KIAA1614: variants seen among roughly 807,000 people sequenced by gnomAD.
The protein encoded by KIAA1614 is KIAA1614.
Under a neutral mutation model 88.7 loss-of-function variants are expected in KIAA1614, and 76 were observed. That is an observed-to-expected ratio of 0.86 (90% CI 0.71 to 1.04). The LOEUF (loss-of-function observed/expected upper bound fraction) is 1.04. Ranked by LOEUF, KIAA1614 falls within the 50% of genes least tolerant of loss-of-function variation. The probability of loss-of-function intolerance (pLI) is 0.00; values close to 1 mark genes in which losing one functional copy is unlikely to be tolerated. For synonymous variants in KIAA1614, 714 were observed against 675.5 expected (o/e 1.06, Z -0.88); for missense variants, 1,553 against 1,582.5 (o/e 0.98, Z 0.32).
chr1:180,943,034 T>TTATTTTTTGTTTG (rs1553260091), intron 7 of KIAA1614, among the ~76,000 whole-genome samples: 1 of 139,506 alleles, frequency 7.2e-6, no homozygotes, highest in Non-Finnish European at 1.5e-5. Flanking sequence ...TTGGGTTTTT[T>TTATTTTTTGTTTG]TTTTTTTTTT....
intron 7 of KIAA1614, among the ~76,000 whole-genome samples, chr1:180,941,814 CAG>C (rs1167547082): frequency 6.6e-6 from 1 of 152,214 alleles, no homozygotes; most frequent in East Asian, 1.9e-4. Context: ...TTGGCATGGC[CAG>C]AGAGTTTCTG....
At chr1:180,943,027 G>GTTTTTTTT (rs1261396134) in intron 7 of KIAA1614, among the ~76,000 whole-genome samples, 7 of 22,320 alleles carry the variant, frequency 3.1e-4, no homozygotes, top group African/African-American at 6.7e-4. Flanking sequence ...TAGTTTTTTG[G>GTTTTTTTT]GTTTTTTTTT....
chr1:180,941,113 G>A lies in KIAA1614; in HGVS notation c.2987G>A (p.Arg996Lys), dbSNP rs1206775175. The change falls in exon 7 of 9, where the codon AGG (arginine) becomes AAG (lysine). Residue 996 changes from arginine (R) to lysine (K), a missense_variant. Physicochemically the swap from Arg to Lys is conservative, Grantham distance 26. Transcript: ENST00000367588. Reference sequence around the variant, plus strand: ...GCCCCTTTGGACCAGAACAAGAAAAGGAGCAGCAGCATAGCCTCCACCCTG... The same window carrying A: ...GCCCCTTTGGACCAGAACAAGAAAAAGAGCAGCAGCATAGCCTCCACCCTG... ...SAAPLDQNKKRSSSIASTLGL... is the reference protein window; with the variant it reads ...SAAPLDQNKKKSSSIASTLGL... 6.5e-7 allele frequency: 1 copy of A among 1,548,632 alleles called. No individual in the cohort carries two copies. The highest frequency in any genetic ancestry group is 1.8e-5 in the Admixed American group (1 of 56,010).
At chr1:180,938,801 A>C (rs1571299379) in intron 6 of KIAA1614, 90 bp downstream of exon 6, 5 of 1,236,710 alleles carry the variant, frequency 4.0e-6, no homozygotes, top group Middle Eastern at 4.8e-4. Flanking sequence ...TGGTGGCATG[A>C]CCCACCTCCC....
chr1:180,917,331 A>G (rs1653841464), intron 2 of KIAA1614, among the ~76,000 whole-genome samples: 1 of 152,172 alleles, frequency 6.6e-6, no homozygotes, highest in South Asian at 2.1e-4. Context: ...CTGCAGACCA[A>G]TAGGAGGCCA....
intron 7 of KIAA1614, among the ~76,000 whole-genome samples, chr1:180,943,819 A>T (rs911354383): frequency 2.0e-5 from 3 of 152,000 alleles, no homozygotes; most frequent in Admixed American, 2.0e-4. Context: ...AAGTGCTGGG[A>T]TTACAGGCAT....
chr1:180,935,566 G>T lies in KIAA1614; in HGVS notation c.1657G>T (p.Ala553Ser). The T allele has an allele frequency of 6.2e-7, 1 of 1,602,696 alleles. No homozygotes were observed. The highest frequency in any genetic ancestry group is 8.5e-7 in the Non-Finnish European group (1 of 1,174,948). The change falls in exon 5 of 9, where the codon GCG becomes TCG. Residue 553 changes from alanine (A) to serine (S), a missense_variant. Transcript: ENST00000367588. This position sits in a 1 kb window ranked among gnomAD's most constrained non-coding sequence, Gnocchi z 6.1. ...IDDPRPAQGK[A>S]PPVPRTLQEL... The stretch of plus-strand genomic sequence containing the variant: ...CGACCCGCGCCCCGCCCAGGGGAAG[G>T]CGCCCCCCGTCCCCAGGACCCTCCA...
intron 5 of KIAA1614, among the ~76,000 whole-genome samples, chr1:180,937,344 G>A (rs1654356430): frequency 6.6e-6 from 1 of 152,238 alleles, no homozygotes; most frequent in Non-Finnish European, 1.5e-5. Context: ...GTGCTTTCTG[G>A]TACCAGACCC....
Position 180,941,284 on chromosome 1 carries a change from C to G in KIAA1614, c.3158C>G (p.Pro1053Arg). 3 of 1,605,758 alleles carry G rather than the reference C, an allele frequency of 1.9e-6. No individual in the cohort carries two copies. Among genetic ancestry groups the G allele is most frequent in the Middle Eastern group, 1.7e-4 (1 of 6,024 alleles). The part of the protein sequence containing the change: ...SRAPSLQSLH[P>R]VSPSHQRRKA... ...GCCCCATCGTTACAATCCCTGCACC[C>G]GGTGAGTCCAGGGGCCCCAGCCCAG... The change falls in exon 7 of 9, where the codon CCG becomes CGG. Residue 1053 changes from proline (P) to arginine (R), a missense_variant and splice_region_variant. Physicochemically the swap from Pro to Arg is moderately radical, Grantham distance 103. Coordinates refer to ENST00000367588, the MANE Select transcript of KIAA1614 (RefSeq NM_020950.2).
rs1558075988 is a variant in KIAA1614, at chr1:180,950,338, A to C, written c.*4750A>C. The stretch of plus-strand genomic sequence containing the variant: ...GTGAAATTCTCCTGTTTTCCTCTGC[A>C]GGGATCTACGTGCAGGAGATGGCTG... On this transcript the variant is annotated 3_prime_UTR_variant, in exon 9 of 9. Transcript: ENST00000367588. 1.7e-6 allele frequency: 2 copies of C among 1,200,550 alleles called. No individual in the cohort carries two copies. The highest frequency in any genetic ancestry group is 2.1e-6 in the Non-Finnish European group (2 of 944,780). The allele number at this position is 1,200,550 out of a possible 1,614,324, so 74.4% of individuals were successfully genotyped here.
chr1:180,943,006 G>A (rs948002158), intron 7 of KIAA1614, among the ~76,000 whole-genome samples: 2 of 147,918 alleles, frequency 1.4e-5, no homozygotes, highest in Non-Finnish European at 3.0e-5. Context: ...GAGTGTGTTT[G>A]CTGGGAGGCT....
intron 3 of KIAA1614, among the ~76,000 whole-genome samples, chr1:180,925,802 C>G (rs1469061228): frequency 6.6e-6 from 1 of 152,234 alleles, no homozygotes; most frequent in South Asian, 2.1e-4. Context: ...TAGTTTTCCC[C>G]AACAATGAGC....
At position 180,928,531 on chromosome 1, in the gene KIAA1614, G is replaced by A. The variant is rs375855256; in HGVS notation, c.1163G>A (p.Arg388His). The A allele has an allele frequency of 5.6e-5, 90 of 1,612,774 alleles. No homozygotes were observed. Among genetic ancestry groups the A allele is most frequent in the Admixed American group, 1.0e-4 (6 of 59,992 alleles). Reference sequence around the variant, plus strand: ...ATGAAGGCCAGGACCCGGCCCCTCCGTGCCAGCCATGACATCGTGCCCACC... The same window carrying A: ...ATGAAGGCCAGGACCCGGCCCCTCCATGCCAGCCATGACATCGTGCCCACC... ...ARMKARTRPLRASHDIVPTIT... is the reference protein window; with the variant it reads ...ARMKARTRPLHASHDIVPTIT... Residue 388 changes from arginine to histidine, a missense_variant, in exon 4 of 9, where the codon CGT (arginine) becomes CAT (histidine). Transcript: ENST00000367588.
chr1:180,920,484 G>A (rs928435438), intron 3 of KIAA1614, among the ~76,000 whole-genome samples: 1 of 152,234 alleles, frequency 6.6e-6, no homozygotes, highest in Non-Finnish European at 1.5e-5. Context: ...CTGGCAGGAG[G>A]AAAGCGCAGG....
chr1:180,928,671 G>A (rs1012915628), intron 4 of KIAA1614, 98 bp downstream of exon 4: 133 of 1,144,314 alleles, frequency 1.2e-4, no homozygotes, highest in East Asian at 2.1e-4. Flanking sequence ...GCTGCTGCTC[G>A]CTCCATGTGT....
intron 3 of KIAA1614, among the ~76,000 whole-genome samples, chr1:180,924,051 A>C (rs979281037): frequency 5.9e-5 from 9 of 152,154 alleles, no homozygotes; most frequent in African/African-American, 2.2e-4. Context: ...CCCTGGGTGG[A>C]GAAGGAAGCC....
intron 2 of KIAA1614, 92 bp from the exon 3 acceptor site, chr1:180,917,759 G>GAA: frequency 9.5e-7 from 1 of 1,052,206 alleles, no homozygotes; most frequent in Non-Finnish European, 1.5e-6. Context: ...AGTTGCTTCT[G>GAA]GAGAAACTCT....
Position 180,916,863 on chromosome 1 carries a change from C to T in KIAA1614, c.760C>T (p.Leu254=), listed in dbSNP as rs1485199231. ...AGATGGCGTGGTGACAGAGGCAGAT[C>T]TGGATAGCACATCCCTGACCTCCGA... is the stretch of plus-strand genomic sequence containing the variant. ...FPDGVVTEAD[L]DSTSLTSEEV... Residue 254 remains leucine (L), a synonymous_variant, in exon 2 of 9, where the codon CTG becomes TTG. Transcript: ENST00000367588. 6.2e-7 allele frequency: 1 copy of T among 1,614,118 alleles called. No individual in the cohort carries two copies. The highest frequency in any genetic ancestry group is 1.1e-5 in the South Asian group (1 of 91,090).
intron 1 of KIAA1614, among the ~76,000 whole-genome samples, chr1:180,915,412 G>C (rs1487348316): frequency 6.6e-6 from 1 of 152,196 alleles, no homozygotes; most frequent in Non-Finnish European, 1.5e-5. Context: ...CTCCACTGAA[G>C]CTACCCTTCA....
Sources: gnomAD v4.1 joint callset for allele counts (sites outside exome capture counted in the v4.1 genomes callset) on GRCh38, gnomAD v4.1.1 for gene constraint, Gnocchi (gnomAD v3.1) non-coding constraint, MANE v1.5 for transcripts, NCBI Gene and HGNC (gene_info 2026-07-23, HGNC 2026-07-21) for gene names.